CALN1: variants seen among roughly 807,000 people sequenced by gnomAD.
CALN1 encodes the protein calneuron 1.
CALN1 carries 17 observed loss-of-function variants against 30.6 expected under a neutral mutation model. The observed-to-expected ratio is 0.56, with a 90% CI of 0.38 to 0.83. The LOEUF is 0.83. CALN1 is among the 40% of genes least tolerant of loss of function. The probability of loss-of-function intolerance (pLI) is 0.00; values close to 1 mark genes in which losing one functional copy is unlikely to be tolerated. For missense variants in CALN1, 291 were observed against 354.9 expected (o/e 0.82, Z 1.45); for synonymous variants, 156 against 131.4 (o/e 1.19, Z -1.28).
At chr7:71,789,874 T>C (rs563144112) in intron 6 of CALN1, among the ~76,000 whole-genome samples, 65 of 151,990 alleles carry the variant, frequency 4.3e-4, no homozygotes, top group Non-Finnish European at 6.9e-4. Flanking sequence ...GGCAGGAGGA[T>C]TGCTTGAAGC....
intron 5 of CALN1, among the ~76,000 whole-genome samples, chr7:71,998,863 C>T (rs1799386053): frequency 6.6e-6 from 1 of 152,004 alleles, no homozygotes; most frequent in Non-Finnish European, 1.5e-5. Context: ...AAGAGATATA[C>T]TTTAAAATGC....
intron 6 of CALN1, among the ~76,000 whole-genome samples, chr7:71,792,415 T>C (rs1005412753): frequency 2.0e-5 from 3 of 152,124 alleles, no homozygotes; most frequent in Non-Finnish European, 2.9e-5. Flanking sequence ...GATTTCTGCT[T>C]CCCTGGGGCG....
At position 72,226,152 on chromosome 7, in the gene CALN1, G is replaced by C. The variant is rs112590205; in HGVS notation, c.244+52534C>G. On this transcript the variant is annotated intron_variant, in intron 3 of 6. Transcript: ENST00000395275. Reference sequence around the variant, plus strand: ...GGTGCACGCTAAGAAGGCTGAGGCAGGAGAATCGCTTGAATCCGGGAGATG... The same window carrying C: ...GGTGCACGCTAAGAAGGCTGAGGCACGAGAATCGCTTGAATCCGGGAGATG... 7.5e-3 allele frequency among the ~76,000 whole-genome samples: 1,128 copies of C among 151,272 alleles called. 9 individuals are homozygous for C. Among genetic ancestry groups the C allele is most frequent in the African/African-American group, 0.024 (983 of 41,144 alleles).
At chr7:72,192,142 A>G (rs1790654706) in intron 3 of CALN1, among the ~76,000 whole-genome samples, 1 of 152,040 alleles carries the variant, frequency 6.6e-6, no homozygotes, top group South Asian at 2.1e-4. Flanking sequence ...ATACAGCATT[A>G]TTTACATAAA....
At chr7:72,274,988 G>GT (rs1797244661) in intron 3 of CALN1, among the ~76,000 whole-genome samples, 1 of 152,102 alleles carries the variant, frequency 6.6e-6, no homozygotes, top group African/African-American at 2.4e-5. Context: ...TTTCATGCCT[G>GT]TTTTCAGAGG....
At chr7:72,245,618 CTAAATAAATAAATAAATAAA>C (rs36174609) in intron 3 of CALN1, among the ~76,000 whole-genome samples, 8 of 143,348 alleles carry the variant, frequency 5.6e-5, no homozygotes, top group African/African-American at 1.3e-4. Flanking sequence ...AACTCCATCT[CTAAATAAATAAATAAATAAA>C]TAAATAAATA....
At position 71,890,141 on chromosome 7, in the gene CALN1, G is replaced by A. The variant is rs565519510; in HGVS notation, c.502-79649C>T. Among the ~76,000 whole-genome samples the A allele has an allele frequency of 2.3e-4, 35 of 152,242 alleles. No homozygotes were observed. The Middle Eastern group carries it at 0.01, about 44-fold the overall frequency. ...TTTTTTGGAGACAAGGTCTCACTAT[G>A]TCACTCAGGCTGAAGTGCAGTGGCA... is the stretch of plus-strand genomic sequence containing the variant. On this transcript the variant is annotated intron_variant, in intron 5 of 6. Transcript: ENST00000395275.
At chr7:72,080,403 A>G (rs1805055570) in intron 4 of CALN1, among the ~76,000 whole-genome samples, 1 of 152,210 alleles carries the variant, frequency 6.6e-6, no homozygotes, top group Non-Finnish European at 1.5e-5. Context: ...TACTGCGTGC[A>G]GGCAGAACAG....
intron 2 of CALN1, among the ~76,000 whole-genome samples, chr7:72,364,565 G>A (rs1803768932): frequency 6.6e-6 from 1 of 152,050 alleles, no homozygotes; most frequent in South Asian, 2.1e-4. Flanking sequence ...AAAGTGCCTG[G>A]CAAAGTATTT....
At chr7:71,931,055 T>C (rs1376835183) in intron 5 of CALN1, among the ~76,000 whole-genome samples, 2 of 152,130 alleles carry the variant, frequency 1.3e-5, no homozygotes, top group Non-Finnish European at 2.9e-5. Flanking sequence ...ACTGTGGAGG[T>C]ACTTAATAAG....
At chr7:71,995,259 C>T (rs888309689) in intron 5 of CALN1, among the ~76,000 whole-genome samples, 7 of 152,200 alleles carry the variant, frequency 4.6e-5, no homozygotes, top group African/African-American at 7.2e-5. Context: ...ACAGAGCCTC[C>T]GTGCTGAACG....
At chr7:72,008,321 A>G (rs1799885783) in intron 5 of CALN1, among the ~76,000 whole-genome samples, 1 of 152,164 alleles carries the variant, frequency 6.6e-6, no homozygotes, top group Non-Finnish European at 1.5e-5. Context: ...TATTATCTAC[A>G]ATTATAGACC....
At chr7:71,793,016 G>A (rs1786666763) in intron 6 of CALN1, among the ~76,000 whole-genome samples, 1 of 152,010 alleles carries the variant, frequency 6.6e-6, no homozygotes, top group African/African-American at 2.4e-5. Flanking sequence ...TAAGCAGAGA[G>A]GAGCAGAGCC....
chr7:71,832,855 A>T (rs1002206584), intron 5 of CALN1, among the ~76,000 whole-genome samples: 1 of 149,950 alleles, frequency 6.7e-6, no homozygotes, highest in East Asian at 2.0e-4. Flanking sequence ...ATCCACCCGC[A>T]TTGGCCTCCC....
chr7:72,174,204 C>G (rs1789176119), intron 3 of CALN1, among the ~76,000 whole-genome samples: 1 of 152,126 alleles, frequency 6.6e-6, no homozygotes, highest in Non-Finnish European at 1.5e-5. Flanking sequence ...CACCACACTT[C>G]AGCAGAATGG....
At chr7:72,196,144 G>A (rs889726299) in intron 3 of CALN1, among the ~76,000 whole-genome samples, 26 of 151,594 alleles carry the variant, frequency 1.7e-4, no homozygotes, top group African/African-American at 5.6e-4. Flanking sequence ...ACAGGGTCTC[G>A]CTTTGTCACC....
At chr7:71,796,358 CTTTTT>C (rs35184000) in intron 6 of CALN1, among the ~76,000 whole-genome samples, 3 of 130,206 alleles carry the variant, frequency 2.3e-5, no homozygotes, top group African/African-American at 2.8e-5. Context: ...ATGTTTCTTT[CTTTTT>C]TTTTTTTTTT....
intron 1 of CALN1, among the ~76,000 whole-genome samples, chr7:72,417,824 T>C (rs1481151193): frequency 2.0e-5 from 3 of 152,130 alleles, no homozygotes; most frequent in Admixed American, 2.0e-4. Context: ...ACCCTGGCCT[T>C]AAACATGATC....
intron 2 of CALN1, chr7:72,336,967 A>G (rs924090104): frequency 1.0e-6 from 1 of 984,888 alleles, no homozygotes; most frequent in East Asian, 1.2e-4. Context: ...TCGGAGCGCG[A>G]TCTGGGCGCG....
Sources: gnomAD v4.1 joint callset for allele counts (sites outside exome capture counted in the v4.1 genomes callset) on GRCh38, gnomAD v4.1.1 for gene constraint, MANE v1.5 for transcripts, NCBI Gene and HGNC (gene_info 2026-07-23, HGNC 2026-07-21) for gene names.